MAX: variants seen among roughly 807,000 people sequenced by gnomAD.
MAX encodes the protein MYC associated transcriptional regulator X, also known as protein max.
MAX carries 3 observed loss-of-function variants against 22.3 expected under a neutral mutation model. The observed-to-expected ratio is 0.13, with a 90% CI of 0.06 to 0.35. The LOEUF (loss-of-function observed/expected upper bound fraction) is 0.35. Among genes scored for constraint, MAX ranks in the 10% least tolerant of loss-of-function variants. The probability of loss-of-function intolerance (pLI) is 1.00; values close to 1 mark genes in which losing one functional copy is unlikely to be tolerated. For missense variants in MAX, 119 were observed against 209.4 expected (o/e 0.57, Z 2.66); for synonymous variants, 72 against 77.7 (o/e 0.93, Z 0.39).
At position 65,102,334 on chromosome 14, in the gene MAX, G is replaced by A. The variant is rs138539686; in HGVS notation, c.6C>T (p.Ser2=). The change falls in exon 1 of 5, where the codon AGC becomes AGT. Residue 2 remains serine, a synonymous_variant. Transcript: ENST00000358664. ...TCTCCACCTCGATGTCATCGTTATC[G>A]CTCATTTCCTACGGCCCAGGGAGCG... M[S]DNDDIEVESD... is the part of the protein sequence containing the mutation. 6.6e-5 allele frequency: 106 copies of A among 1,613,616 alleles called. 1 individual carries two copies. The highest frequency in any genetic ancestry group is 8.5e-5 in the Non-Finnish European group (100 of 1,179,780).
At chr14:65,060,429 A>G (rs1027661206) in intron 3 of MAX, among the ~76,000 whole-genome samples, 2 of 141,380 alleles carry the variant, frequency 1.4e-5, no homozygotes, top group African/African-American at 6.1e-5. Flanking sequence ...TCTCTACTAA[A>G]AATACAAAAA....
intron 3 of MAX, among the ~76,000 whole-genome samples, chr14:65,048,721 G>T (rs945573936): frequency 2.0e-5 from 3 of 152,094 alleles, no homozygotes; most frequent in African/African-American, 7.2e-5. Flanking sequence ...CAGACATGGT[G>T]GCACATGCCT....
intron 3 of MAX, among the ~76,000 whole-genome samples, chr14:65,058,280 A>G (rs2062787018): frequency 7.0e-6 from 1 of 143,786 alleles, no homozygotes; most frequent in African/African-American, 2.6e-5. Flanking sequence ...GGTTAGAGTT[A>G]TGTCTAATTT....
At position 65,088,533 on chromosome 14, in the gene MAX, C is replaced by T. The variant is rs77193009; in HGVS notation, c.171+5175G>A. Among the ~76,000 whole-genome samples, 3,873 of 152,224 alleles carry T rather than the reference C, an allele frequency of 0.025. 68 individuals carry two copies. Among genetic ancestry groups the T allele is most frequent in the Middle Eastern group, 0.048 (14 of 294 alleles). ...GGCTATAGTTTACATTTCATTTAAACGACAATCCCTCTAGCAGCTCAGATA... is the reference window on the plus strand; with the variant it reads ...GGCTATAGTTTACATTTCATTTAAATGACAATCCCTCTAGCAGCTCAGATA... On this transcript the variant is annotated intron_variant, in intron 3 of 4. Transcript: ENST00000358664. The surrounding 1 kb of genome is among the most constrained non-coding windows in gnomAD (Gnocchi z 5.2).
chr14:65,008,683 A>G (rs552151307), intron 3 of MAX, among the ~76,000 whole-genome samples: 13 of 152,352 alleles, frequency 8.5e-5, no homozygotes, highest in African/African-American at 3.1e-4. Flanking sequence ...TGCTAAAGCC[A>G]GGAGACTGAA....
chr14:65,048,627 A>T (rs1015694021), intron 3 of MAX, among the ~76,000 whole-genome samples: 2 of 152,180 alleles, frequency 1.3e-5, no homozygotes, highest in Non-Finnish European at 2.9e-5. Flanking sequence ...CCAAAGCAGG[A>T]GGACCTCTTG....
intron 3 of MAX, among the ~76,000 whole-genome samples, chr14:65,039,909 C>T (rs890108814): frequency 2.0e-5 from 3 of 152,158 alleles, no homozygotes; most frequent in African/African-American, 7.2e-5. Context: ...TCACCAGAGG[C>T]CAAGTGCGGT....
Position 65,044,471 on chromosome 14 carries a change from G to T in MAX, c.172-38187C>A, listed in dbSNP as rs1386759647. ...GAGCCTGGGGAGCTGTTCACTTGGG[G>T]CTGGATGATTTCCCTCCACTACTCA... On this transcript the variant is annotated intron_variant, in intron 3 of 3. Transcript: ENST00000341653. This position sits in a 1 kb window ranked among gnomAD's most constrained non-coding sequence, Gnocchi z 5.5. 1 of 1,582,146 alleles carries T rather than the reference G, an allele frequency of 6.3e-7. No individual in the cohort carries two copies. The highest frequency in any genetic ancestry group is 2.3e-5 in the East Asian group (1 of 43,694).
chr14:65,074,295 C>T (rs1336504644), downstream of MAX, among the ~76,000 whole-genome samples: 1 of 152,186 alleles, frequency 6.6e-6, no homozygotes. Flanking sequence ...AAAAGAAGTG[C>T]CTTTATAAAT....
At position 65,044,270 on chromosome 14, in the gene MAX, C is replaced by G; in HGVS notation, c.172-37986G>C. ...GATTCTGTCGGGCTGGATTTTGTCTCTTTTAGCCTACAACTGCCTTTCCCA... is the reference window on the plus strand; with the variant it reads ...GATTCTGTCGGGCTGGATTTTGTCTGTTTTAGCCTACAACTGCCTTTCCCA... On this transcript the variant is annotated intron_variant, in intron 3 of 3. Coordinates refer to the MAX transcript ENST00000341653. This position sits in a 1 kb window ranked among gnomAD's most constrained non-coding sequence, Gnocchi z 5.5. 1 of 1,609,750 alleles carries G rather than the reference C, an allele frequency of 6.2e-7. No individual in the cohort carries two copies. The highest frequency in any genetic ancestry group is 2.2e-5 in the East Asian group (1 of 44,462).
chr14:65,079,281 C>T lies in MAX; in HGVS notation c.172-1245G>A, dbSNP rs1014585160. 4.6e-5 allele frequency among the ~76,000 whole-genome samples: 7 copies of T among 152,160 alleles called. No individual in the cohort carries two copies. Among genetic ancestry groups the T allele is most frequent in the African/African-American group, 9.7e-5 (4 of 41,446 alleles). On this transcript the variant is annotated intron_variant, in intron 3 of 4. Transcript: ENST00000358664. This position sits in a 1 kb window ranked among gnomAD's most constrained non-coding sequence, Gnocchi z 4.5. Reference sequence around the variant, plus strand: ...TAAAGAGACTTTCATAAAAAGCTGTCGGTGCTTGATGTCAACACAGGAAGA... The same window carrying T: ...TAAAGAGACTTTCATAAAAAGCTGTTGGTGCTTGATGTCAACACAGGAAGA...
Position 65,062,087 on chromosome 14 carries a change from TCCTC to T in MAX, c.171+31617_171+31620del, listed in dbSNP as rs2062875097. On this transcript the variant is annotated intron_variant, in intron 3 of 3. Coordinates refer to the MAX transcript ENST00000341653. The surrounding 1 kb of genome is among the most constrained non-coding windows in gnomAD (Gnocchi z 4.3). ...GCCCTCCAGTGCCCACCTGCCTCAC[TCCTC>T]CCTATCATGTACCGTGAAAACCCCC... The T allele has an allele frequency of 6.6e-6, 1 of 152,346 alleles. No homozygotes were observed. The highest frequency in any genetic ancestry group is 1.5e-5 in the Non-Finnish European group (1 of 68,194). The allele number at this position is 152,346 out of a possible 1,614,324, so 9.4% of individuals were successfully genotyped here.
intron 3 of MAX, among the ~76,000 whole-genome samples, chr14:65,015,360 C>G (rs1039500444): frequency 4.0e-5 from 6 of 151,652 alleles, no homozygotes; most frequent in Admixed American, 2.0e-4. Flanking sequence ...ACCTTGGCCT[C>G]CCAAAGTGCT....
At chr14:65,038,276 G>C (rs926361208) in intron 3 of MAX, among the ~76,000 whole-genome samples, 1 of 151,796 alleles carries the variant, frequency 6.6e-6, no homozygotes, top group Non-Finnish European at 1.5e-5. Context: ...CGGGTGTGGT[G>C]GTGGGTACCT....
intron 3 of MAX, among the ~76,000 whole-genome samples, chr14:65,056,976 CAG>C (rs1566581018): frequency 6.6e-6 from 1 of 152,216 alleles, no homozygotes; most frequent in Non-Finnish European, 1.5e-5. Flanking sequence ...CCCATGCAAA[CAG>C]AGGAGAGCCT....
intron 3 of MAX, among the ~76,000 whole-genome samples, chr14:65,016,216 T>C (rs2061771384): frequency 6.6e-6 from 1 of 152,242 alleles, no homozygotes; most frequent in African/African-American, 2.4e-5. Context: ...ATGCCATGAC[T>C]CTCAGTTTTC....
At position 65,061,144 on chromosome 14, in the gene MAX, C is replaced by G. The variant is rs767137731; in HGVS notation, c.171+32564G>C. ...GATGTGTTATGTTTTCAAGGACCAC[C>G]GGGGTGATTAACTGGCACCTTTTCT... On this transcript the variant is annotated intron_variant, in intron 3 of 3. Coordinates refer to the MAX transcript ENST00000341653. The G allele has an allele frequency of 2.4e-5, 39 of 1,611,890 alleles. 1 individual carries two copies. In the South Asian group the frequency reaches 4.1e-4, roughly 17 times the overall value.
intron 3 of MAX, among the ~76,000 whole-genome samples, chr14:65,064,379 T>G (rs563860444): frequency 6.6e-6 from 1 of 152,260 alleles, no homozygotes; most frequent in African/African-American, 2.4e-5. Context: ...AAAGAGGCAA[T>G]CTGTTGACTC....
chr14:65,051,817 T>TG (rs1464283613), intron 3 of MAX, among the ~76,000 whole-genome samples: 1 of 149,486 alleles, frequency 6.7e-6, no homozygotes, highest in Non-Finnish European at 1.5e-5. Flanking sequence ...TTTTTTGAGA[T>TG]GGAGTCTCGC....
Sources: gnomAD v4.1 joint callset for allele counts (sites outside exome capture counted in the v4.1 genomes callset) on GRCh38, gnomAD v4.1.1 for gene constraint, Gnocchi (gnomAD v3.1) non-coding constraint, MANE v1.5 for transcripts, NCBI Gene and HGNC (gene_info 2026-07-23, HGNC 2026-07-21) for gene names.